The following HOMER1 variants were observed in gnomAD, a reference collection of about 807,000 sequenced individuals.
HOMER1 encodes the protein homer protein homolog 1.
A neutral mutation model predicts 48.9 loss-of-function variants in HOMER1; 3 were observed. The observed-to-expected ratio is 0.06, with a 90% CI of 0.03 to 0.16. The LOEUF (loss-of-function observed/expected upper bound fraction) is 0.16, where lower values mean the gene tolerates loss of function less well. Among genes scored for constraint, HOMER1 ranks in the 10% least tolerant of loss-of-function variants. The probability of loss-of-function intolerance (pLI) is 1.00; values close to 1 mark genes in which losing one functional copy is unlikely to be tolerated. For synonymous variants in HOMER1, 134 were observed against 146.4 expected, an observed-to-expected ratio of 0.92 and a Z score of 0.61; for missense variants, 247 against 411.4, an observed-to-expected ratio of 0.60 and a Z score of 3.46.
intron 6 of HOMER1, among the ~76,000 whole-genome samples, chr5:79,399,152 G>A (rs1749471074): frequency 1.3e-5 from 2 of 152,166 alleles, no homozygotes; most frequent in South Asian, 4.1e-4. Context: ...GCAAATTGTG[G>A]GCAAAATGTA....
Position 79,493,843 on chromosome 5 carries a change from GCTA to G in HOMER1, c.5+18924_5+18926del, listed in dbSNP as rs367616717. Among the ~76,000 whole-genome samples the G allele has an allele frequency of 9.7e-4, 147 of 152,236 alleles. 1 individual carries two copies. The highest frequency in any genetic ancestry group is 3.4e-3 in the African/African-American group (140 of 41,538). On this transcript the variant is annotated intron_variant, in intron 1 of 8. Transcript: ENST00000334082. ...TTTCCTGAACCCTAGAGCTTGCTGA[GCTA>G]CTATTTCAAAGATGCTTGGTCTTAA...
At chr5:79,495,861 T>C (rs1752404797) in intron 1 of HOMER1, among the ~76,000 whole-genome samples, 1 of 152,210 alleles carries the variant, frequency 6.6e-6, no homozygotes, top group Non-Finnish European at 1.5e-5. Context: ...AGATGCCTTA[T>C]AGAAATTCAA....
intron 2 of HOMER1, 38 bp downstream of exon 2, chr5:79,456,824 C>T (rs372625306): frequency 3.1e-6 from 5 of 1,588,200 alleles, no homozygotes; most frequent in Non-Finnish European, 4.3e-6. Flanking sequence ...CTGAAAAAAG[C>T]AAAACCAGCC....
chr5:79,433,493 G>A (rs900994430), intron 5 of HOMER1, among the ~76,000 whole-genome samples: 17 of 152,042 alleles, frequency 1.1e-4, no homozygotes, highest in African/African-American at 3.6e-4. Context: ...GCTTGAACCC[G>A]GGAGGTGGAG....
intron 1 of HOMER1, among the ~76,000 whole-genome samples, chr5:79,480,853 C>T (rs1186308231): frequency 2.6e-5 from 4 of 152,040 alleles, no homozygotes; most frequent in Admixed American, 2.6e-4. Flanking sequence ...GCAGATAGTT[C>T]CTAGCCTTGT....
At chr5:79,392,936 A>AG (rs1160751418) in intron 8 of HOMER1, among the ~76,000 whole-genome samples, 1 of 138,258 alleles carries the variant, frequency 7.2e-6, no homozygotes, top group African/African-American at 2.8e-5. Context: ...CGAGGGAGGG[A>AG]GGGAAAAGAA....
chr5:79,483,054 T>C (rs773440752), intron 1 of HOMER1, among the ~76,000 whole-genome samples: 3 of 151,874 alleles, frequency 2.0e-5, no homozygotes, highest in Non-Finnish European at 2.9e-5. Flanking sequence ...AATCTGATAC[T>C]ACTATAAAGC....
chr5:79,473,770 G>A (rs1385263109), intron 1 of HOMER1, among the ~76,000 whole-genome samples: 1 of 152,110 alleles, frequency 6.6e-6, no homozygotes, highest in Admixed American at 6.6e-5. Flanking sequence ...AACAGCATGA[G>A]CATAGCATAT....
chr5:79,512,745 C>T (rs367805261), intron 1 of HOMER1, 25 bp downstream of exon 1: 8 of 1,611,266 alleles, frequency 5.0e-6, no homozygotes, highest in Non-Finnish European at 6.8e-6. Flanking sequence ...AGATTCGAAG[C>T]TGTGTTAAGC....
At chr5:79,417,947 ATC>A (rs1402680329) in intron 5 of HOMER1, among the ~76,000 whole-genome samples, 1 of 152,206 alleles carries the variant, frequency 6.6e-6, no homozygotes, top group East Asian at 1.9e-4. Flanking sequence ...TTACAGTAAA[ATC>A]TGTTTCCAGA....
chr5:79,440,978 T>G (rs551341200), intron 4 of HOMER1, among the ~76,000 whole-genome samples: 1 of 151,970 alleles, frequency 6.6e-6, no homozygotes, highest in Non-Finnish European at 1.5e-5. Context: ...GCTGACATGA[T>G]GAAACCCAAT....
chr5:79,379,398 A>G lies in HOMER1; in HGVS notation c.877-3201T>C, dbSNP rs1423804448. On this transcript the variant is annotated intron_variant, in intron 8 of 8. Transcript: ENST00000334082. ...TTTATATATTTTATATATTATATAA[A>G]TATTTATATATTTATATATTTTATA... Among the ~76,000 whole-genome samples the G allele has an allele frequency of 3.5e-5, 4 of 115,614 alleles. No individual in the cohort carries two copies. In the Admixed American group the frequency reaches 4.7e-4, roughly 14 times the overall value. The allele number at this position is 115,614 out of a possible 152,430, so 75.8% of individuals were successfully genotyped here.
At chr5:79,407,193 CATA>C (rs1299615549) in intron 5 of HOMER1, among the ~76,000 whole-genome samples, 8 of 151,948 alleles carry the variant, frequency 5.3e-5, no homozygotes, top group African/African-American at 1.9e-4. Context: ...GACTAACTTT[CATA>C]ATAACAGCCT....
rs1748697013 is a variant in HOMER1 at position 79,373,992 on chromosome 5, TTAAAA to T, written c.*2012_*2016del. 6.6e-6 allele frequency: 1 copy of T among 152,012 alleles called. No individual in the cohort carries two copies. The highest frequency in any genetic ancestry group is 1.5e-5 in the Non-Finnish European group (1 of 67,856). The allele number at this position is 152,012 out of a possible 1,614,324, so 9.4% of individuals were successfully genotyped here. A position where few individuals can be genotyped will look rare whatever the true frequency, so the allele number is the denominator to read the frequency against. On this transcript the variant is annotated 3_prime_UTR_variant, in exon 9 of 9. Coordinates refer to ENST00000334082, the MANE Select transcript of HOMER1 (RefSeq NM_004272.5). ...AATTTAAAAATATTTTATTACATCA[TTAAAA>T]TAATTCACTTGCCATTTCAACAGCT...
intron 1 of HOMER1, among the ~76,000 whole-genome samples, chr5:79,474,065 T>C (rs1258173712): frequency 6.6e-6 from 1 of 152,084 alleles, no homozygotes; most frequent in East Asian, 1.9e-4. Context: ...AGGCTCTCAG[T>C]CTGTCTCCCA....
chr5:79,396,766 G>T, intron 8 of HOMER1, 57 bp downstream of exon 8: 2 of 1,009,358 alleles, frequency 2.0e-6, no homozygotes, highest in Non-Finnish European at 1.5e-6. Flanking sequence ...TCAGTGCTAT[G>T]TGAAAAAATG....
At chr5:79,465,220 A>G (rs868318364) in intron 1 of HOMER1, among the ~76,000 whole-genome samples, 2 of 152,242 alleles carry the variant, frequency 1.3e-5, no homozygotes, top group African/African-American at 4.8e-5. Context: ...CTATAGTCTC[A>G]GCTACTCAAG....
chr5:79,445,739 A>C (rs1750856941), intron 4 of HOMER1, among the ~76,000 whole-genome samples: 1 of 152,080 alleles, frequency 6.6e-6, no homozygotes, highest in South Asian at 2.1e-4. Context: ...ACATGATAAA[A>C]CACCACCACT....
chr5:79,483,465 G>C (rs189371270), intron 1 of HOMER1, among the ~76,000 whole-genome samples: 3 of 151,494 alleles, frequency 2.0e-5, no homozygotes, highest in African/African-American at 7.3e-5. Flanking sequence ...CTTTTGAATG[G>C]TTAATGGTTT....
Sources: allele counts gnomAD v4.1 joint callset (sites outside exome capture counted in the v4.1 genomes callset), GRCh38; gene constraint gnomAD v4.1.1; transcripts MANE v1.5; gene names NCBI Gene and HGNC (gene_info 2026-07-23, HGNC 2026-07-21).